PHKA1: variants seen among roughly 807,000 people sequenced by gnomAD.
PHKA1 encodes phosphorylase b kinase regulatory subunit alpha, skeletal muscle isoform.
PHKA1 carries 60 observed loss-of-function variants against 110.2 expected under a neutral mutation model. The ratio of observed to expected loss-of-function variants is 0.54; its 90% CI spans 0.44 to 0.68. PHKA1 has a LOEUF of 0.68. Ranked by LOEUF, PHKA1 falls within the 30% of genes least tolerant of loss-of-function variation. PHKA1 has a pLI of 0.00. For missense variants in PHKA1, 801 were observed against 942.5 expected (o/e 0.85, Z 1.97); for synonymous variants, 316 against 333.6 (o/e 0.95, Z 0.58).
intron 11 of PHKA1, 90 bp from the exon 12 acceptor site, chrX:72,652,741 C>G (rs1441206249): frequency 5.6e-5 from 33 of 587,407 alleles, no homozygotes; most frequent in Non-Finnish European, 9.2e-5. Context: ...GTAATTTATA[C>G]CCTATGTAGC....
intron 23 of PHKA1, among the ~76,000 whole-genome samples, chrX:72,609,054 G>T (rs782642777): frequency 1.8e-5 from 2 of 112,240 alleles, no homozygotes; most frequent in African/African-American, 6.5e-5. Flanking sequence ...GAAGACTCAT[G>T]TATAAAGACT....
intron 10 of PHKA1, 54 bp downstream of exon 10, chrX:72,656,066 G>A (rs1429385623): frequency 1.7e-6 from 2 of 1,185,231 alleles, no homozygotes; most frequent in African/African-American, 1.8e-5. Context: ...ACTATTAGCT[G>A]TAAGAAGATA....
intron 12 of PHKA1, among the ~76,000 whole-genome samples, chrX:72,651,248 A>G (rs2053425773): frequency 9.0e-6 from 1 of 111,488 alleles, no homozygotes; most frequent in African/African-American, 3.3e-5. Flanking sequence ...TAAGAATACA[A>G]ATCACTGGCC....
intron 17 of PHKA1, among the ~76,000 whole-genome samples, 197 bp downstream of exon 17, chrX:72,626,774 C>G (rs2053078582): frequency 8.9e-6 from 1 of 111,906 alleles, no homozygotes; most frequent in Admixed American, 9.5e-5. Context: ...GTCTCTCTCT[C>G]TGTCTCAAAA....
In PHKA1 at chrX:72,612,644, G is replaced by A. The variant is rs2052829600; in HGVS notation, c.2370-1460C>T. ...GTAAATTATGATATATTCAAATAAT[G>A]GAATGACACAATTATTCAGAAAATA... On this transcript the variant is annotated intron_variant, in intron 21 of 31. Transcript: ENST00000373542. 2.7e-5 allele frequency among the ~76,000 whole-genome samples: 3 copies of A among 111,270 alleles called. No individual in the cohort carries two copies. The Admixed American group carries it at 2.9e-4, about 11-fold the overall frequency.
At chrX:72,708,957 C>A (rs1446035128) in intron 2 of PHKA1, among the ~76,000 whole-genome samples, 1 of 111,301 alleles carries the variant, frequency 9.0e-6, no homozygotes, top group African/African-American at 3.3e-5. Flanking sequence ...AGAATGGAGA[C>A]AGTAATAACA....
At chrX:72,698,523 A>G (rs2147830791) in intron 3 of PHKA1, among the ~76,000 whole-genome samples, 2 of 112,434 alleles carry the variant, frequency 1.8e-5, no homozygotes, top group South Asian at 7.4e-4. Context: ...TCCCTGCCAA[A>G]TACTATCAGG....
At chrX:72,662,933 G>C (rs2053577141) in intron 8 of PHKA1, among the ~76,000 whole-genome samples, 2 of 110,641 alleles carry the variant, frequency 1.8e-5, no homozygotes, top group African/African-American at 6.6e-5. Context: ...CCATAAATTG[G>C]AAGAGGTACC....
intron 21 of PHKA1, among the ~76,000 whole-genome samples, chrX:72,611,948 C>A (rs1434384299): frequency 9.0e-6 from 1 of 111,459 alleles, no homozygotes; most frequent in Non-Finnish European, 1.9e-5. Flanking sequence ...TGCAGAATTA[C>A]CATATAATCC....
At chrX:72,662,674 G>A (rs782726960) in intron 8 of PHKA1, among the ~76,000 whole-genome samples, 40 of 111,615 alleles carry the variant, frequency 3.6e-4, no homozygotes, top group South Asian at 1.1e-3. Flanking sequence ...CCTCATGCAT[G>A]TCTACACCCC....
chrX:72,618,959 T>A, intron 20 of PHKA1, 110 bp from the exon 21 acceptor site: 1 of 742,407 alleles, frequency 1.3e-6, no homozygotes, highest in Non-Finnish European at 2.1e-6. Flanking sequence ...AGGAATTCTT[T>A]AAATACTAAT....
chrX:72,635,413 C>A (rs1556291097), intron 15 of PHKA1, 114 bp from the exon 16 acceptor site: 52 of 672,172 alleles, frequency 7.7e-5, no homozygotes, highest in Non-Finnish European at 9.7e-5. Context: ...GGCAATGATA[C>A]CCCCACATTT....
intron 3 of PHKA1, among the ~76,000 whole-genome samples, chrX:72,701,128 T>C (rs1212401990): frequency 1.8e-5 from 2 of 112,506 alleles, no homozygotes; most frequent in East Asian, 5.6e-4. Flanking sequence ...TTTTCATTTG[T>C]AACGGGACAC....
At chrX:72,603,343 C>T (rs1295269405) in intron 25 of PHKA1, 123 bp from the exon 26 acceptor site, 13 of 498,169 alleles carry the variant, frequency 2.6e-5, no homozygotes, top group Non-Finnish European at 4.3e-5. Flanking sequence ...AACAGAATTA[C>T]AAAATAAATT....
At position 72,656,543 on chromosome X, in the gene PHKA1, T is replaced by C. The variant is rs561492177; in HGVS notation, c.919-301A>G. On this transcript the variant is annotated intron_variant, in intron 9 of 31. Coordinates refer to ENST00000373542, the MANE Select transcript of PHKA1 (RefSeq NM_002637.4). Reference sequence around the variant, plus strand: ...TAATAATAGGACATACAAGTAGAAATGTTTAGAAGGGCAACTAGAGATGAG... The same window carrying C: ...TAATAATAGGACATACAAGTAGAAACGTTTAGAAGGGCAACTAGAGATGAG... Among the ~76,000 whole-genome samples, 8 of 112,359 alleles carry C rather than the reference T, an allele frequency of 7.1e-5. No individual in the cohort carries two copies. In the South Asian group the frequency reaches 2.9e-3, roughly 41 times the overall value.
At chrX:72,593,595 C>A (rs1556229649) in intron 28 of PHKA1, among the ~76,000 whole-genome samples, 1 of 112,223 alleles carries the variant, frequency 8.9e-6, no homozygotes, top group African/African-American at 3.2e-5. Context: ...CCCGCCTGGG[C>A]CTCCCAAAGT....
At chrX:72,588,870 T>A (rs931004933) in intron 29 of PHKA1, among the ~76,000 whole-genome samples, 2 of 111,400 alleles carry the variant, frequency 1.8e-5, no homozygotes, top group Non-Finnish European at 1.9e-5. Flanking sequence ...CTCTCAAGAC[T>A]AAACCAGGAA....
At chrX:72,656,898 A>G (rs1326682730) in intron 9 of PHKA1, among the ~76,000 whole-genome samples, 1 of 111,882 alleles carries the variant, frequency 8.9e-6, no homozygotes, top group Admixed American at 9.5e-5. Flanking sequence ...TAGTACACTG[A>G]TAGGGGAAGA....
rs781855233 is a variant in PHKA1, at chrX:72,602,217, C to T, written c.2974G>A (p.Val992Ile). The change falls in exon 27 of 32, where the codon GTT (valine) becomes ATT (isoleucine). Residue 992 changes from valine to isoleucine, a missense_variant. Val to Ile is a conservative substitution (Grantham distance 29). This residue lies in a region of PHKA1 where 502 missense variants were observed against 519.2 expected (regional missense o/e 0.97). Transcript: ENST00000373542. ...PAISIHEIGA[V>I]GATKTERTGI... ...GTTCGTTCTGTTTTGGTTGCTCCAA[C>T]AGCACCAATCTCGTGGATAGAAATA... is the stretch of plus-strand genomic sequence containing the variant. The T allele has an allele frequency of 2.5e-6, 3 of 1,204,240 alleles. No homozygotes were observed. The highest frequency in any genetic ancestry group is 1.8e-5 in the South Asian group (1 of 56,614).
Sources: allele counts gnomAD v4.1 joint callset (sites outside exome capture counted in the v4.1 genomes callset), GRCh38; gene constraint gnomAD v4.1.1; regional missense constraint gnomAD v4.1.1; transcripts MANE v1.5; gene names NCBI Gene and HGNC (gene_info 2026-07-23, HGNC 2026-07-21).